Variants in PPP3CA observed in about 807,000 individuals in gnomAD.
The protein encoded by PPP3CA is CAM-PRP catalytic subunit.
In PPP3CA, 14 loss-of-function variants were observed where a neutral mutation model predicts 66.5. That is an observed-to-expected ratio of 0.21 (90% confidence interval 0.14 to 0.33). The LOEUF is 0.33. Among genes scored for constraint, PPP3CA ranks in the 10% least tolerant of loss-of-function variants. The probability of loss-of-function intolerance (pLI) is 1.00; values close to 1 mark genes in which losing one functional copy is unlikely to be tolerated. For missense variants in PPP3CA, 317 were observed against 639.5 expected (o/e 0.50, Z 5.44); for synonymous variants, 232 against 226.2 (o/e 1.03, Z -0.23).
At chr4:101,026,641 CAAT>C (rs1470877454) in intron 13 of PPP3CA, among the ~76,000 whole-genome samples, 2 of 140,368 alleles carry the variant, frequency 1.4e-5, no homozygotes, top group Non-Finnish European at 3.3e-5. Context: ...ACAAGCAACT[CAAT>C]GATGACATGA....
chr4:101,284,241 G>A (rs2850351), intron 1 of PPP3CA, among the ~76,000 whole-genome samples: 59 of 152,100 alleles, frequency 3.9e-4, no homozygotes, highest in African/African-American at 1.3e-3. Flanking sequence ...TAACTTTCTG[G>A]AAATCTTGTA....
At chr4:101,089,576 T>C (rs1178700720) in intron 6 of PPP3CA, among the ~76,000 whole-genome samples, 2 of 152,168 alleles carry the variant, frequency 1.3e-5, no homozygotes, top group African/African-American at 4.8e-5. Context: ...AAACCCAGGA[T>C]ACAAAGCTTA....
chr4:101,292,584 A>G (rs1055866775), intron 1 of PPP3CA, among the ~76,000 whole-genome samples: 1 of 152,234 alleles, frequency 6.6e-6, no homozygotes, highest in Admixed American at 6.5e-5. Context: ...TACTATATAC[A>G]GAAGCCTCTA....
At chr4:101,050,859 T>G (rs1228258694) in intron 10 of PPP3CA, among the ~76,000 whole-genome samples, 1 of 152,192 alleles carries the variant, frequency 6.6e-6, no homozygotes, top group Non-Finnish European at 1.5e-5. Context: ...GAAACCCTTG[T>G]GCAGATATGA....
intron 8 of PPP3CA, among the ~76,000 whole-genome samples, chr4:101,078,836 T>C (rs942644451): frequency 1.3e-5 from 2 of 152,162 alleles, no homozygotes; most frequent in African/African-American, 4.8e-5. Flanking sequence ...AATCACTGAC[T>C]CCCACTCCCA....
At chr4:101,081,928 C>T (rs1729456680) in intron 7 of PPP3CA, among the ~76,000 whole-genome samples, 1 of 152,184 alleles carries the variant, frequency 6.6e-6, no homozygotes, top group Admixed American at 6.5e-5. Flanking sequence ...GCCTACTTGA[C>T]AACAAACAAA....
chr4:101,264,686 A>G (rs1727115492), intron 1 of PPP3CA, among the ~76,000 whole-genome samples: 1 of 152,186 alleles, frequency 6.6e-6, no homozygotes, highest in African/African-American at 2.4e-5. Flanking sequence ...GTGACCTTCA[A>G]TTTCTCACAA....
chr4:101,047,858 AATT>A (rs1727835958), intron 10 of PPP3CA, among the ~76,000 whole-genome samples: 1 of 152,048 alleles, frequency 6.6e-6, no homozygotes, highest in Admixed American at 6.6e-5. Context: ...TAAATAATAT[AATT>A]ATTATTATAG....
rs1724796450 is a variant in PPP3CA, at chr4:101,196,477, G to T, written c.59-361C>A. On this transcript the variant is annotated intron_variant, in intron 1 of 13. Coordinates refer to ENST00000394854, the MANE Select transcript of PPP3CA (RefSeq NM_000944.5). ...CTATACATCCAACCATAACCAACTTGTGCAAAGATGGGTCTCCACTAGAAA... is the reference window on the plus strand; with the variant it reads ...CTATACATCCAACCATAACCAACTTTTGCAAAGATGGGTCTCCACTAGAAA... Among the ~76,000 whole-genome samples, 4 of 152,158 alleles carry T rather than the reference G, an allele frequency of 2.6e-5. No homozygotes were observed. The South Asian group carries it at 8.3e-4, about 32-fold the overall frequency.
intron 1 of PPP3CA, among the ~76,000 whole-genome samples, chr4:101,199,696 T>C (rs1320419404): frequency 6.6e-6 from 1 of 152,176 alleles, no homozygotes; most frequent in African/African-American, 2.4e-5. Flanking sequence ...AACAACATAT[T>C]GAGCTAGGAT....
rs28595397 is a variant in PPP3CA at position 101,065,350 on chromosome 4, T to G, written c.956-1993A>C. Reference sequence around the variant, plus strand: ...ATGCATCCTCATATCTTCAGATGAATCTTTAAGGCTCTAAATTGTCTTTTT... The same window carrying G: ...ATGCATCCTCATATCTTCAGATGAAGCTTTAAGGCTCTAAATTGTCTTTTT... On this transcript the variant is annotated intron_variant, in intron 8 of 13. Transcript: ENST00000394854. Among the ~76,000 whole-genome samples the G allele has an allele frequency of 1.4e-3, 209 of 152,220 alleles. 1 individual carries two copies. The highest frequency in any genetic ancestry group is 4.8e-3 in the African/African-American group (201 of 41,564).
At chr4:101,316,145 T>C (rs1478904259) in intron 1 of PPP3CA, among the ~76,000 whole-genome samples, 1 of 151,846 alleles carries the variant, frequency 6.6e-6, no homozygotes, top group Non-Finnish European at 1.5e-5. Flanking sequence ...CTACAAAATG[T>C]AGGTTTTTCT....
chr4:101,174,600 A>G (rs1723995452), intron 2 of PPP3CA, among the ~76,000 whole-genome samples: 1 of 152,218 alleles, frequency 6.6e-6, no homozygotes, highest in Non-Finnish European at 1.5e-5. Context: ...ACCTAAACAC[A>G]AAATTATACA....
intron 2 of PPP3CA, among the ~76,000 whole-genome samples, chr4:101,186,086 T>C (rs1724401438): frequency 6.6e-6 from 1 of 152,194 alleles, no homozygotes; most frequent in Non-Finnish European, 1.5e-5. Flanking sequence ...ATCCTTTAAC[T>C]TACAATTTCT....
At chr4:101,195,566 T>C (rs927116612) in intron 2 of PPP3CA, among the ~76,000 whole-genome samples, 1 of 152,120 alleles carries the variant, frequency 6.6e-6, no homozygotes, top group African/African-American at 2.4e-5. Flanking sequence ...TACTCAACCA[T>C]TGTGGAAGTC....
chr4:101,048,784 TTTAAC>T (rs1727884722), intron 10 of PPP3CA, among the ~76,000 whole-genome samples: 1 of 152,108 alleles, frequency 6.6e-6, no homozygotes, highest in Non-Finnish European at 1.5e-5. Context: ...CATATGTTTT[TTTAAC>T]TTGACTACAA....
chr4:101,187,605 T>C (rs948406920), intron 2 of PPP3CA, among the ~76,000 whole-genome samples: 5 of 151,860 alleles, frequency 3.3e-5, no homozygotes, highest in African/African-American at 9.7e-5. Context: ...TTTGAAGGAG[T>C]TGGCCTTTAA....
intron 1 of PPP3CA, among the ~76,000 whole-genome samples, chr4:101,256,794 T>C (rs973315333): frequency 1.3e-5 from 2 of 151,986 alleles, no homozygotes; most frequent in South Asian, 2.1e-4. Flanking sequence ...CAGTCACCAA[T>C]AGACTAATAG....
intron 1 of PPP3CA, among the ~76,000 whole-genome samples, chr4:101,308,199 T>C (rs1474107113): frequency 6.6e-6 from 1 of 152,242 alleles, no homozygotes. Context: ...AACTTATTTA[T>C]CAAGATTTTA....
Sources: gnomAD v4.1 joint callset for allele counts (sites outside exome capture counted in the v4.1 genomes callset) on GRCh38, gnomAD v4.1.1 for gene constraint, MANE v1.5 for transcripts, NCBI Gene and HGNC (gene_info 2026-07-23, HGNC 2026-07-21) for gene names.